Variants in WWC2 observed in about 807,000 individuals in gnomAD.
WWC2 encodes WW and C2 domain containing 2.
A neutral mutation model predicts 138.5 loss-of-function variants in WWC2; 101 were observed. The observed-to-expected ratio is 0.73, with a 90% CI of 0.62 to 0.86. The LOEUF (loss-of-function observed/expected upper bound fraction) is 0.86, where lower values mean the gene tolerates loss of function less well. Among genes scored for constraint, WWC2 ranks in the 40% least tolerant of loss-of-function variants. The probability of loss-of-function intolerance (pLI) is 0.00; values close to 1 mark genes in which losing one functional copy is unlikely to be tolerated. For missense variants in WWC2, 1,420 were observed against 1,419.4 expected (o/e 1.00, Z -0.01); for synonymous variants, 558 against 538.4 (o/e 1.04, Z -0.50).
intron 2 of WWC2, among the ~76,000 whole-genome samples, chr4:183,197,308 T>C (rs551906910): frequency 6.6e-6 from 1 of 152,366 alleles, no homozygotes; most frequent in Non-Finnish European, 1.5e-5. Context: ...ATCTGGTCCA[T>C]TGTCTCATTA....
At position 183,253,800 on chromosome 4, in the gene WWC2, G is replaced by A. The variant is rs1488760928; in HGVS notation, c.997G>A (p.Ala333Thr). The A allele has an allele frequency of 4.3e-6, 7 of 1,613,670 alleles. No individual in the cohort carries two copies. Among genetic ancestry groups the A allele is most frequent in the Middle Eastern group, 1.7e-4 (1 of 6,060 alleles). Residue 333 changes from alanine to threonine, a missense_variant, in exon 9 of 23, where the codon GCC becomes ACC. Ala to Thr is a moderately conservative substitution (Grantham distance 58, BLOSUM62 0). Transcript: ENST00000403733. ...KIELSKLDSE[A>T]WPGALDIEKE... ...TGAACTGTCAAAATTGGACAGTGAG[G>A]CCTGGCCTGGGGCACTGGATATTGA...
rs541692361 is a variant in WWC2 at position 183,245,275 on chromosome 4, T to A, written c.603-141T>A. The A allele has an allele frequency of 6.2e-5, 32 of 517,214 alleles. No individual in the cohort carries two copies. In the East Asian group the frequency reaches 1.7e-3, roughly 27 times the overall value. The allele number at this position is 517,214 out of a possible 1,614,324, so 32.0% of individuals were successfully genotyped here. ...GAGAGAGAAAGGAGGAGAAACTGCC[T>A]GAAAAGATGATTGCTGGTATATGAC... On this transcript the variant is annotated intron_variant, in intron 5 of 22. Coordinates refer to ENST00000403733, the MANE Select transcript of WWC2 (RefSeq NM_024949.6).
intron 1 of WWC2, among the ~76,000 whole-genome samples, chr4:183,165,050 C>G (rs193208509): frequency 6.6e-6 from 1 of 152,344 alleles, no homozygotes; most frequent in East Asian, 1.9e-4. Flanking sequence ...TAGCATAACA[C>G]AAACATTCCT....
In WWC2 at chr4:183,115,666, G is replaced by C. The variant is rs10013421; in HGVS notation, c.131+16044G>C. Among the ~76,000 whole-genome samples, 3 of 152,112 alleles carry C rather than the reference G, an allele frequency of 2.0e-5. No homozygotes were observed. The South Asian group carries it at 6.2e-4, about 32-fold the overall frequency. On this transcript the variant is annotated intron_variant, in intron 1 of 22. Transcript: ENST00000403733. ...GCCTTCTTTTGAGAAATGTCTGTTC[G>C]TGTCCGTTGCTCATTTTTTATGGGG...
chr4:183,286,093 T>G, intron 20 of WWC2, 34 bp downstream of exon 20: 1 of 1,536,200 alleles, frequency 6.5e-7, no homozygotes, highest in Non-Finnish European at 8.8e-7. Flanking sequence ...CCACTGTCCC[T>G]GGACCAGTCC....
rs1225495203 is a variant in WWC2, at chr4:183,317,241, T to G, written c.*1512T>G. 2 of 152,224 alleles carry G rather than the reference T, an allele frequency of 1.3e-5. No individual in the cohort carries two copies. Among genetic ancestry groups the G allele is most frequent in the African/African-American group, 4.8e-5 (2 of 41,466 alleles). The allele number at this position is 152,224 out of a possible 1,614,324, so 9.4% of individuals were successfully genotyped here. A position where few individuals can be genotyped will look rare whatever the true frequency, so the allele number is the denominator to read the frequency against. ...TCACTAGCAAGAATTTTTATTTTCT[T>G]GAAAGCAATTATATATATTTTGGAA... On this transcript the variant is annotated 3_prime_UTR_variant, in exon 23 of 23. Transcript: ENST00000403733.
rs1229650674 is a variant in WWC2 at position 183,318,807 on chromosome 4, C to T, written c.*3078C>T. 6.6e-6 allele frequency: 1 copy of T among 152,220 alleles called. No individual in the cohort carries two copies. The highest frequency in any genetic ancestry group is 1.5e-5 in the Non-Finnish European group (1 of 68,054). 9.4% of individuals were successfully genotyped at this position (152,220 alleles called of 1,614,324 possible). On this transcript the variant is annotated 3_prime_UTR_variant, in exon 23 of 23. Transcript: ENST00000403733. ...GCAGTGTGCTCCACAGAGAGGCAGC[C>T]GTCCCAGGAGGTTATCTACCCACAC...
intron 1 of WWC2, 130 bp downstream of exon 1, chr4:183,099,752 C>A: frequency 1.0e-6 from 1 of 972,154 alleles, no homozygotes; most frequent in Non-Finnish European, 1.3e-6. Context: ...GGATGTGGGG[C>A]TGGCTGCTCC....
chr4:183,278,904 T>C (rs887813780), intron 16 of WWC2, among the ~76,000 whole-genome samples: 84 of 151,408 alleles, frequency 5.5e-4, no homozygotes, highest in African/African-American at 1.9e-3. Context: ...TTTCTAGATA[T>C]ACAATCATGT....
At chr4:183,199,279 T>C (rs992176781) in intron 2 of WWC2, among the ~76,000 whole-genome samples, 1 of 152,118 alleles carries the variant, frequency 6.6e-6, no homozygotes, top group Non-Finnish European at 1.5e-5. Context: ...GCCAGGTTCT[T>C]TTGTCGGGAA....
At chr4:183,281,268 G>T in intron 17 of WWC2, 1 of 288,220 alleles carries the variant, frequency 3.5e-6, no homozygotes, top group East Asian at 5.9e-5. Flanking sequence ...GTACCATTTA[G>T]GCTCTAGTAA....
intron 4 of WWC2, among the ~76,000 whole-genome samples, chr4:183,221,318 G>C (rs1226158531): frequency 1.3e-5 from 2 of 152,190 alleles, no homozygotes; most frequent in African/African-American, 4.8e-5. Flanking sequence ...ACAACTGCAA[G>C]GTGAAGGACA....
chr4:183,262,745 A>G (rs568136185), intron 11 of WWC2, among the ~76,000 whole-genome samples: 27 of 152,280 alleles, frequency 1.8e-4, no homozygotes, highest in African/African-American at 6.0e-4. Flanking sequence ...TGGGGCCTTC[A>G]CCACTGCTTC....
rs756425846 is a variant in WWC2, at chr4:183,319,739, C to A, written c.*4010C>A. On this transcript the variant is annotated 3_prime_UTR_variant, in exon 23 of 23. Transcript: ENST00000403733. ...CCAGAAACAGGGCCTCCCCAAACTC[C>A]CACCTGGGGACAAAGTCTGGGACGT... is the stretch of plus-strand genomic sequence containing the variant. The A allele has an allele frequency of 2.5e-6, 4 of 1,613,956 alleles. No individual in the cohort carries two copies. Among genetic ancestry groups the A allele is most frequent in the Middle Eastern group, 1.7e-4 (1 of 6,054 alleles).
intron 9 of WWC2, among the ~76,000 whole-genome samples, chr4:183,259,391 T>C (rs1737251127): frequency 1.3e-5 from 2 of 152,114 alleles, no homozygotes; most frequent in Non-Finnish European, 2.9e-5. Flanking sequence ...TTAAAAAGAT[T>C]CTAGGCTACC....
intron 1 of WWC2, among the ~76,000 whole-genome samples, chr4:183,175,551 C>G (rs1013465794): frequency 6.6e-6 from 1 of 152,208 alleles, no homozygotes; most frequent in Non-Finnish European, 1.5e-5. Context: ...GCGTGAGCCA[C>G]CGTGCCTGGC....
At chr4:183,315,063 G>A (rs981417523) in intron 22 of WWC2, among the ~76,000 whole-genome samples, 1 of 152,220 alleles carries the variant, frequency 6.6e-6, no homozygotes, top group African/African-American at 2.4e-5. Context: ...GTGAAGTTCT[G>A]TAGGGAAATA....
chr4:183,163,912 A>G (rs1238166338), intron 1 of WWC2, among the ~76,000 whole-genome samples: 1 of 152,130 alleles, frequency 6.6e-6, no homozygotes, highest in African/African-American at 2.4e-5. Context: ...GGCTAGCTTT[A>G]ATGTTCCAGG....
chr4:183,319,378 T>C lies in WWC2; in HGVS notation c.*3649T>C. 1 of 690,504 alleles carries C rather than the reference T, an allele frequency of 1.4e-6. No homozygotes were observed. The highest frequency in any genetic ancestry group is 2.4e-6 in the Non-Finnish European group (1 of 413,764). 42.8% of individuals were successfully genotyped at this position (690,504 alleles called of 1,614,324 possible). A position where few individuals can be genotyped will look rare whatever the true frequency, so the allele number is the denominator to read the frequency against. The stretch of plus-strand genomic sequence containing the variant: ...TATTCAGTCTTGATTGATTTTGGTC[T>C]CAGACTAGAAGATAAAAATGGTTTA... On this transcript the variant is annotated 3_prime_UTR_variant, in exon 23 of 23. Transcript: ENST00000403733.
Sources: allele counts gnomAD v4.1 joint callset (sites outside exome capture counted in the v4.1 genomes callset), GRCh38; gene constraint gnomAD v4.1.1; transcripts MANE v1.5; gene names NCBI Gene and HGNC (gene_info 2026-07-23, HGNC 2026-07-21).